The following SLC2A13 variants were observed in gnomAD, a reference collection of about 807,000 sequenced individuals.
The protein encoded by SLC2A13 is proton myo-inositol cotransporter.
A neutral mutation model predicts 64.4 loss-of-function variants in SLC2A13; 32 were observed. The observed-to-expected ratio is 0.50, with a 90% CI of 0.37 to 0.67. The LOEUF (loss-of-function observed/expected upper bound fraction) is 0.67, where lower values mean the gene tolerates loss of function less well. Ranked by LOEUF, SLC2A13 falls within the 30% of genes least tolerant of loss-of-function variation. The pLI is 0.00. For synonymous variants in SLC2A13, 338 were observed against 327.1 expected, an observed-to-expected ratio of 1.03 and a Z score of -0.36; for missense variants, 743 against 829.2, an observed-to-expected ratio of 0.90 and a Z score of 1.28.
At chr12:39,896,384 GTA>G (rs1199554947) in intron 4 of SLC2A13, among the ~76,000 whole-genome samples, 58 of 119,040 alleles carry the variant, frequency 4.9e-4, no homozygotes, top group Non-Finnish European at 5.8e-4. Context: ...ATATATGTAT[GTA>G]TATGTGTATA....
At chr12:39,967,449 C>G (rs1946540043) in intron 3 of SLC2A13, among the ~76,000 whole-genome samples, 1 of 152,090 alleles carries the variant, frequency 6.6e-6, no homozygotes, top group Admixed American at 6.6e-5. Context: ...CTTAAGACAC[C>G]AAGATTCTAT....
chr12:39,951,890 A>G (rs561716760), intron 3 of SLC2A13, among the ~76,000 whole-genome samples: 1 of 152,326 alleles, frequency 6.6e-6, no homozygotes, highest in African/African-American at 2.4e-5. Flanking sequence ...GGTTATAGCT[A>G]CAATGGAGAT....
chr12:39,905,532 A>G (rs974542084), intron 4 of SLC2A13, among the ~76,000 whole-genome samples: 2 of 152,132 alleles, frequency 1.3e-5, no homozygotes, highest in Non-Finnish European at 2.9e-5. Context: ...ATATGGTCTA[A>G]GAATACTACC....
chr12:40,078,100 G>C (rs1938249587), intron 1 of SLC2A13, among the ~76,000 whole-genome samples: 1 of 152,166 alleles, frequency 6.6e-6, no homozygotes, highest in Non-Finnish European at 1.5e-5. Context: ...TCTGTAGATA[G>C]ATATGGTTTG....
intron 3 of SLC2A13, among the ~76,000 whole-genome samples, chr12:40,024,556 T>C (rs1947773389): frequency 6.6e-6 from 1 of 152,192 alleles, no homozygotes; most frequent in Non-Finnish European, 1.5e-5. Flanking sequence ...TTTCATTCCC[T>C]CTATAAGCAT....
chr12:39,952,613 T>C (rs1251059614), intron 3 of SLC2A13, among the ~76,000 whole-genome samples: 2 of 152,212 alleles, frequency 1.3e-5, no homozygotes, highest in Non-Finnish European at 2.9e-5. Context: ...ACTTGAGTTA[T>C]TGCAAATGAT....
chr12:40,039,171 T>C (rs1386145771), intron 2 of SLC2A13, among the ~76,000 whole-genome samples: 1 of 152,234 alleles, frequency 6.6e-6, no homozygotes, highest in Non-Finnish European at 1.5e-5. Context: ...TTGGCTCTTT[T>C]GTCATTAGAA....
chr12:39,883,522 T>A (rs1046514384), intron 4 of SLC2A13, among the ~76,000 whole-genome samples: 2 of 152,120 alleles, frequency 1.3e-5, no homozygotes, highest in African/African-American at 2.4e-5. Flanking sequence ...CGGAAAAAGG[T>A]GACAGTTTAT....
rs1947853527 is a variant in SLC2A13, at chr12:40,028,310, CCT to C, written c.914_915del (p.Glu305GlyfsTer37). ...IKNNIEEEEKEVGSAGPVICR... is the reference protein window; with the variant it reads ...IKNNIEEEEKXVGSAGPVICR... ...TATAAAGTCTATATACCTGAGCCAA[CCT>C]CTTTTTCCTCCTCTTCAATGTTGTT... On this transcript the variant is annotated frameshift_variant, in exon 3 of 10. Coordinates refer to ENST00000280871, the MANE Select transcript of SLC2A13 (RefSeq NM_052885.4). LOFTEE classifies it high-confidence loss of function. 1 of 1,613,330 alleles carries C rather than the reference CCT, an allele frequency of 6.2e-7. No homozygotes were observed. The highest frequency in any genetic ancestry group is 1.7e-5 in the Admixed American group (1 of 59,964).
At chr12:40,076,650 T>C (rs1257552842) in intron 1 of SLC2A13, among the ~76,000 whole-genome samples, 2 of 152,108 alleles carry the variant, frequency 1.3e-5, no homozygotes, top group Non-Finnish European at 2.9e-5. Flanking sequence ...ACGAATTATA[T>C]TTCTTTGGGT....
chr12:39,806,923 C>T (rs1447139300), intron 7 of SLC2A13, among the ~76,000 whole-genome samples: 1 of 152,078 alleles, frequency 6.6e-6, no homozygotes, highest in Non-Finnish European at 1.5e-5. Flanking sequence ...ACACATACAA[C>T]ATGAATCTCC....
Position 39,764,832 on chromosome 12 carries a change from G to GA in SLC2A13, c.1471_1472insT (p.Thr491IlefsTer44). The stretch of plus-strand genomic sequence containing the variant: ...ATTGTAAGCCCAAAATATATCTTCT[G>GA]TTTTGAACTTGGTTTCATTTTCACA... On this transcript the variant is annotated frameshift_variant, in exon 8 of 10. Transcript: ENST00000280871. LOFTEE classifies it high-confidence loss of function. The GA allele has an allele frequency of 6.2e-7, 1 of 1,612,162 alleles. No individual in the cohort carries two copies. The highest frequency in any genetic ancestry group is 8.5e-7 in the Non-Finnish European group (1 of 1,179,008).
Position 40,007,832 on chromosome 12 carries a change from A to G in SLC2A13, c.925+20469T>C, listed in dbSNP as rs1267009271. On this transcript the variant is annotated intron_variant, in intron 3 of 9. Transcript: ENST00000280871. ...GAAGCCATTAAATATGAGTGGTAGCATAATTATTCAAAGGAAGAAACACTA... is the reference window on the plus strand; with the variant it reads ...GAAGCCATTAAATATGAGTGGTAGCGTAATTATTCAAAGGAAGAAACACTA... Among the ~76,000 whole-genome samples, 4 of 152,328 alleles carry G rather than the reference A, an allele frequency of 2.6e-5. No homozygotes were observed. The East Asian group carries it at 7.7e-4, about 29-fold the overall frequency.
chr12:40,063,101 T>C (rs543131980), intron 1 of SLC2A13, among the ~76,000 whole-genome samples: 4 of 152,154 alleles, frequency 2.6e-5, no homozygotes, highest in Non-Finnish European at 4.4e-5. Flanking sequence ...TTTTCCGGTA[T>C]CTATTTTACA....
intron 4 of SLC2A13, among the ~76,000 whole-genome samples, chr12:39,886,057 C>G (rs1446564084): frequency 6.6e-6 from 1 of 152,062 alleles, no homozygotes; most frequent in African/African-American, 2.4e-5. Flanking sequence ...TGTTTAAGCC[C>G]TCTTACACTT....
At chr12:39,948,124 T>C (rs1353507491) in intron 4 of SLC2A13, among the ~76,000 whole-genome samples, 1 of 152,174 alleles carries the variant, frequency 6.6e-6, no homozygotes. Context: ...ACTCTTTCTC[T>C]CCTATGAATA....
chr12:39,816,638 C>A (rs367856489), intron 7 of SLC2A13, among the ~76,000 whole-genome samples: 1 of 137,324 alleles, frequency 7.3e-6, no homozygotes, highest in Non-Finnish European at 1.6e-5. Flanking sequence ...TATTAGTAAG[C>A]TGGACATGGC....
At chr12:39,780,335 T>A (rs1324435944) in intron 7 of SLC2A13, among the ~76,000 whole-genome samples, 1 of 152,180 alleles carries the variant, frequency 6.6e-6, no homozygotes, top group Non-Finnish European at 1.5e-5. Context: ...TGGAAACCTC[T>A]CTTGAGGTGT....
chr12:39,770,536 C>T (rs1310559705), intron 7 of SLC2A13, among the ~76,000 whole-genome samples: 5 of 152,104 alleles, frequency 3.3e-5, no homozygotes, highest in East Asian at 1.9e-4. Context: ...TTGAGTTTAG[C>T]GGGCACTGGC....
Sources: allele counts gnomAD v4.1 joint callset (sites outside exome capture counted in the v4.1 genomes callset), GRCh38; gene constraint gnomAD v4.1.1; transcripts MANE v1.5; gene names NCBI Gene and HGNC (gene_info 2026-07-23, HGNC 2026-07-21).